The following SHISA6 variants were observed in gnomAD, a reference collection of about 807,000 sequenced individuals.
SHISA6 encodes protein shisa-6.
In SHISA6, 22 loss-of-function variants were observed where a neutral mutation model predicts 47.9. That is an observed-to-expected ratio of 0.46 (90% CI 0.33 to 0.66). The LOEUF (loss-of-function observed/expected upper bound fraction) is 0.66, where lower values mean the gene tolerates loss of function less well. Among genes scored for constraint, SHISA6 ranks in the 30% least tolerant of loss-of-function variants. SHISA6 has a pLI of 0.02. For synonymous variants in SHISA6, 388 were observed against 337.8 expected (o/e 1.15, Z -1.63); for missense variants, 680 against 764.6 (o/e 0.89, Z 1.30).
At chr17:11,345,812 A>G (rs1424756449) in intron 2 of SHISA6, among the ~76,000 whole-genome samples, 2 of 152,164 alleles carry the variant, frequency 1.3e-5, no homozygotes, top group African/African-American at 4.8e-5. Context: ...TTGATCTTGT[A>G]TCCTGAAACT....
intron 3 of SHISA6, among the ~76,000 whole-genome samples, chr17:11,422,207 C>T (rs950417667): frequency 6.6e-5 from 10 of 152,218 alleles, no homozygotes; most frequent in African/African-American, 2.2e-4. Context: ...CCCATCGCTC[C>T]ACCTGCAGCC....
At chr17:11,414,121 C>T (rs1914213815) in intron 3 of SHISA6, among the ~76,000 whole-genome samples, 1 of 151,820 alleles carries the variant, frequency 6.6e-6, no homozygotes, top group African/African-American at 2.4e-5. Flanking sequence ...CTCCTCTCCT[C>T]CTTCTCCTCC....
Position 11,562,228 on chromosome 17 carries a change from C to A in SHISA6, c.*3924C>A, listed in dbSNP as rs1416574823. 2.6e-5 allele frequency: 4 copies of A among 152,078 alleles called. No individual in the cohort carries two copies. Among genetic ancestry groups the A allele is most frequent in the Admixed American group, 2.0e-4 (3 of 15,270 alleles). 9.4% of individuals were successfully genotyped at this position (152,078 alleles called of 1,614,324 possible). On this transcript the variant is annotated 3_prime_UTR_variant, in exon 6 of 6. Coordinates refer to ENST00000441885, the MANE Select transcript of SHISA6 (RefSeq NM_207386.4). ...CCTGCCATCAAACTCAATCCATTTT[C>A]TTCAGAGATACCTTGTCTGTCACCA...
intron 3 of SHISA6, among the ~76,000 whole-genome samples, chr17:11,447,442 C>A (rs766138403): frequency 2.6e-5 from 4 of 152,136 alleles, no homozygotes; most frequent in Admixed American, 2.6e-4. Flanking sequence ...GAAGACCCCC[C>A]ACAGCTTCCC....
At chr17:11,527,560 C>G (rs933941415) in intron 3 of SHISA6, among the ~76,000 whole-genome samples, 2 of 151,776 alleles carry the variant, frequency 1.3e-5, no homozygotes, top group Non-Finnish European at 2.9e-5. Context: ...TAGAAATAAC[C>G]TCATGAAAAA....
chr17:11,412,811 G>T (rs761905889), intron 3 of SHISA6, among the ~76,000 whole-genome samples: 26 of 152,124 alleles, frequency 1.7e-4, no homozygotes, highest in Non-Finnish European at 3.4e-4. Context: ...CCACCCCTGG[G>T]CCCGGGTGTG....
intron 3 of SHISA6, among the ~76,000 whole-genome samples, chr17:11,528,783 T>A (rs1017601555): frequency 6.6e-6 from 1 of 152,220 alleles, no homozygotes; most frequent in Admixed American, 6.5e-5. Flanking sequence ...GAAGCCTGCA[T>A]GACACAGACA....
chr17:11,495,612 A>C (rs2071401732), intron 3 of SHISA6, among the ~76,000 whole-genome samples: 1 of 152,242 alleles, frequency 6.6e-6, no homozygotes, highest in Non-Finnish European at 1.5e-5. Flanking sequence ...GCTGCCTACC[A>C]GTCCATCCCC....
chr17:11,432,582 T>G (rs917944022), intron 3 of SHISA6, among the ~76,000 whole-genome samples: 12 of 152,174 alleles, frequency 7.9e-5, no homozygotes, highest in African/African-American at 2.9e-4. Context: ...AGAGAAGGAA[T>G]TTATTGGGAG....
intron 3 of SHISA6, among the ~76,000 whole-genome samples, chr17:11,416,008 C>T (rs960710571): frequency 2.0e-5 from 3 of 152,186 alleles, no homozygotes; most frequent in Non-Finnish European, 4.4e-5. Context: ...TATATCCTCA[C>T]GTGGCAGAGA....
At chr17:11,423,435 A>G (rs1228189364) in intron 3 of SHISA6, among the ~76,000 whole-genome samples, 4 of 151,910 alleles carry the variant, frequency 2.6e-5, no homozygotes, top group Admixed American at 2.6e-4. Context: ...CTGTTTGGGG[A>G]AAATTTTTTT....
rs58922476 is a variant in SHISA6, at chr17:11,245,644, A to G, written c.638+3584A>G. ...TTAATGGCTAATTAACAGATGGGTCAGGAAGCTATTAGGATGCTGGAGACG... is the reference window on the plus strand; with the variant it reads ...TTAATGGCTAATTAACAGATGGGTCGGGAAGCTATTAGGATGCTGGAGACG... On this transcript the variant is annotated intron_variant, in intron 1 of 5. Transcript: ENST00000441885. Among the ~76,000 whole-genome samples, 991 of 145,560 alleles carry G rather than the reference A, an allele frequency of 6.8e-3. 9 individuals are homozygous for G. Among genetic ancestry groups the G allele is most frequent in the African/African-American group, 0.024 (957 of 40,002 alleles).
rs556818825 is a variant in SHISA6, at chr17:11,262,692, G to A, written c.639-674G>A. ...GTAACTGGACCTCTTGCAGGGGGGC[G>A]GGTCTCTCCTGCTATGGCAGAGTCT... is the stretch of plus-strand genomic sequence containing the variant. On this transcript the variant is annotated intron_variant, in intron 1 of 5. Transcript: ENST00000441885. 1.1e-4 allele frequency among the ~76,000 whole-genome samples: 16 copies of A among 152,290 alleles called. 1 individual carries two copies. The highest frequency in any genetic ancestry group is 3.4e-4 in the African/African-American group (14 of 41,554).
chr17:11,412,926 T>C (rs1914172584), intron 3 of SHISA6, among the ~76,000 whole-genome samples: 1 of 152,160 alleles, frequency 6.6e-6, no homozygotes, highest in Non-Finnish European at 1.5e-5. Context: ...AGGTAGATTA[T>C]GGCTTAAGTG....
chr17:11,469,715 C>T (rs886194844), intron 3 of SHISA6, among the ~76,000 whole-genome samples: 3 of 152,134 alleles, frequency 2.0e-5, no homozygotes, highest in Admixed American at 6.5e-5. Context: ...CTCCCTGATA[C>T]CCAACAGAGC....
chr17:11,411,763 C>T (rs2094722784), intron 3 of SHISA6, among the ~76,000 whole-genome samples: 1 of 152,206 alleles, frequency 6.6e-6, no homozygotes, highest in African/African-American at 2.4e-5. Flanking sequence ...AGAACCTCTG[C>T]ATGTTAGGGA....
intron 2 of SHISA6, among the ~76,000 whole-genome samples, chr17:11,321,167 A>G (rs1192332993): frequency 6.6e-6 from 1 of 152,230 alleles, no homozygotes; most frequent in Non-Finnish European, 1.5e-5. Context: ...GTTATCTACT[A>G]TAGTGCCATG....
intron 3 of SHISA6, among the ~76,000 whole-genome samples, chr17:11,487,278 C>A (rs1916375589): frequency 6.6e-6 from 1 of 152,216 alleles, no homozygotes; most frequent in Non-Finnish European, 1.5e-5. Context: ...TTGCAAGATT[C>A]TCTCCTCCTG....
chr17:11,477,540 G>A (rs1336839965), intron 3 of SHISA6, among the ~76,000 whole-genome samples: 3 of 150,988 alleles, frequency 2.0e-5, no homozygotes, highest in Non-Finnish European at 4.4e-5. Flanking sequence ...TCTAGCATTA[G>A]GTATACCTCC....
Sources: gnomAD v4.1 joint callset for allele counts (sites outside exome capture counted in the v4.1 genomes callset) on GRCh38, gnomAD v4.1.1 for gene constraint, MANE v1.5 for transcripts, NCBI Gene and HGNC (gene_info 2026-07-23, HGNC 2026-07-21) for gene names.